FAR2: variants seen among roughly 807,000 people sequenced by gnomAD.
The protein encoded by FAR2 is epididymis secretory protein Li 81.
A neutral mutation model predicts 56.0 loss-of-function variants in FAR2; 19 were observed. The observed-to-expected ratio is 0.34, with a 90% CI of 0.24 to 0.50. The LOEUF is 0.50. FAR2 is among the 20% of genes least tolerant of loss of function. The probability of loss-of-function intolerance (pLI) is 0.98; values close to 1 mark genes in which losing one functional copy is unlikely to be tolerated. For synonymous variants in FAR2, 219 were observed against 218.8 expected, an observed-to-expected ratio of 1.00 and a Z score of -0.01; for missense variants, 508 against 642.2, an observed-to-expected ratio of 0.79 and a Z score of 2.26.
Position 29,284,379 on chromosome 12 carries a change from G to T in FAR2, c.190-8921G>T, listed in dbSNP as rs538845514. On this transcript the variant is annotated intron_variant, in intron 2 of 11. Transcript: ENST00000536681. ...GACCAGACAAAATTCAAGGTTTTTA[G>T]AGAGGGACTATCTTGAATGATATCA... is the stretch of plus-strand genomic sequence containing the variant. Among the ~76,000 whole-genome samples, 23 of 152,330 alleles carry T rather than the reference G, an allele frequency of 1.5e-4. No individual in the cohort carries two copies. The East Asian group carries it at 3.3e-3, about 22-fold the overall frequency.
chr12:29,183,725 A>G (rs1950012789), intron 1 of FAR2, among the ~76,000 whole-genome samples: 1 of 152,228 alleles, frequency 6.6e-6, no homozygotes, highest in East Asian at 1.9e-4. Context: ...TACTGAAGAT[A>G]AAATGGAGAA....
At chr12:29,308,989 C>T (rs976165078) in intron 5 of FAR2, among the ~76,000 whole-genome samples, 197 bp from the exon 6 acceptor site, 8 of 152,028 alleles carry the variant, frequency 5.3e-5, no homozygotes, top group African/African-American at 1.9e-4. Flanking sequence ...CTAATTTTTG[C>T]ACAGTCAAAT....
intron 1 of FAR2, among the ~76,000 whole-genome samples, chr12:29,167,456 C>A (rs1041122652): frequency 6.6e-6 from 1 of 152,194 alleles, no homozygotes; most frequent in African/African-American, 2.4e-5. Context: ...TCCCTCTGAA[C>A]TTCTCCAGAG....
At chr12:29,324,752 C>A (rs1369919593) in intron 10 of FAR2, among the ~76,000 whole-genome samples, 1 of 152,112 alleles carries the variant, frequency 6.6e-6, no homozygotes, top group African/African-American at 2.4e-5. Context: ...GAAGGAAGCA[C>A]TAAACATGGA....
intron 1 of FAR2, among the ~76,000 whole-genome samples, chr12:29,267,259 A>C (rs1948532772): frequency 6.6e-6 from 1 of 152,208 alleles, no homozygotes; most frequent in Admixed American, 6.5e-5. Flanking sequence ...GCTAGAAACC[A>C]TTAAGAAGAA....
intron 4 of FAR2, among the ~76,000 whole-genome samples, chr12:29,299,383 C>A (rs1422241008): frequency 6.6e-6 from 1 of 152,126 alleles, no homozygotes; most frequent in Non-Finnish European, 1.5e-5. Flanking sequence ...AGAGGAAGAG[C>A]TGATTTATCT....
chr12:29,245,870 C>A (rs1948120305), intron 1 of FAR2, among the ~76,000 whole-genome samples: 1 of 152,114 alleles, frequency 6.6e-6, no homozygotes, highest in Admixed American at 6.6e-5. Context: ...ATCACTACCC[C>A]AAATACCTTC....
At chr12:29,167,169 A>G (rs371219058) in intron 1 of FAR2, among the ~76,000 whole-genome samples, 1 of 152,008 alleles carries the variant, frequency 6.6e-6, no homozygotes, top group East Asian at 1.9e-4. Context: ...CCCATTGGAT[A>G]CTCTGCTGCT....
At chr12:29,207,100 A>G (rs189687034) in intron 1 of FAR2, among the ~76,000 whole-genome samples, 89 of 152,234 alleles carry the variant, frequency 5.8e-4, no homozygotes, top group African/African-American at 2.1e-3. Context: ...TGACTCTTAA[A>G]TGGTCTTGCA....
intron 1 of FAR2, among the ~76,000 whole-genome samples, chr12:29,184,157 G>A (rs1950016388): frequency 6.6e-6 from 1 of 152,156 alleles, no homozygotes; most frequent in South Asian, 2.1e-4. Context: ...CTGAGAGGCT[G>A]ATTTTTCTCC....
At chr12:29,194,915 T>C (rs4931163) in intron 1 of FAR2, among the ~76,000 whole-genome samples, 112,623 of 152,028 alleles carry the variant, frequency 0.74, 43,662 homozygotes, top group East Asian at 0.91. Flanking sequence ...AAAGATTGTT[T>C]AGTTAACATG....
intron 1 of FAR2, among the ~76,000 whole-genome samples, chr12:29,227,429 G>A (rs1053012365): frequency 5.9e-5 from 9 of 152,270 alleles, no homozygotes; most frequent in Admixed American, 1.3e-4. Context: ...AACAACAGGC[G>A]TTCCTCCCTT....
At chr12:29,252,088 G>C (rs1296669606) in intron 1 of FAR2, among the ~76,000 whole-genome samples, 1 of 152,120 alleles carries the variant, frequency 6.6e-6, no homozygotes, top group Non-Finnish European at 1.5e-5. Context: ...CATGACTCTG[G>C]ATGAACAAGC....
chr12:29,170,487 G>C (rs1265487112), intron 1 of FAR2, among the ~76,000 whole-genome samples: 3 of 152,172 alleles, frequency 2.0e-5, no homozygotes, highest in Admixed American at 2.0e-4. Flanking sequence ...TCAATTATAG[G>C]TTTTAAATTT....
At chr12:29,188,748 T>C (rs540185960) in intron 1 of FAR2, among the ~76,000 whole-genome samples, 3 of 151,772 alleles carry the variant, frequency 2.0e-5, no homozygotes, top group African/African-American at 7.3e-5. Flanking sequence ...TCTTTTCTTG[T>C]TTTTTTGTTT....
At chr12:29,304,382 C>T (rs1015856948) in intron 4 of FAR2, among the ~76,000 whole-genome samples, 1 of 152,194 alleles carries the variant, frequency 6.6e-6, no homozygotes, top group African/African-American at 2.4e-5. Context: ...ATCTTCTGGA[C>T]TCACTGTCTG....
rs757093793 is a variant in FAR2, at chr12:29,321,932, G to C, written c.1257+8G>C. ...AGTCCTGAAGACCAGAGAGTAAGTA[G>C]AGCACTGACTTAAGCACCAGGAAAA... On this transcript the variant is annotated splice_region_variant and intron_variant, in intron 10 of 11. Coordinates refer to ENST00000536681, the MANE Select transcript of FAR2 (RefSeq NM_001271783.2). The C allele has an allele frequency of 6.2e-7, 1 of 1,609,322 alleles. No homozygotes were observed. Among genetic ancestry groups the C allele is most frequent in the Non-Finnish European group, 8.5e-7 (1 of 1,177,718 alleles).
At chr12:29,209,503 T>C (rs1947518069) in intron 1 of FAR2, among the ~76,000 whole-genome samples, 1 of 152,180 alleles carries the variant, frequency 6.6e-6, no homozygotes, top group South Asian at 2.1e-4. Flanking sequence ...GTAGGAGTGG[T>C]GATTTCACTG....
At chr12:29,218,593 G>C (rs531579318) in intron 1 of FAR2, among the ~76,000 whole-genome samples, 1 of 152,102 alleles carries the variant, frequency 6.6e-6, no homozygotes, top group African/African-American at 2.4e-5. Flanking sequence ...AGAAATATTT[G>C]AAAAGAATCA....
Sources: gnomAD v4.1 joint callset for allele counts (sites outside exome capture counted in the v4.1 genomes callset) on GRCh38, gnomAD v4.1.1 for gene constraint, MANE v1.5 for transcripts, NCBI Gene and HGNC (gene_info 2026-07-23, HGNC 2026-07-21) for gene names.